The following STX5 variants were observed in gnomAD, a reference collection of about 807,000 sequenced individuals.
STX5 encodes the protein syntaxin-5.
STX5 carries 15 observed loss-of-function variants against 42.9 expected under a neutral mutation model. That is an observed-to-expected ratio of 0.35 (90% CI 0.23 to 0.54). STX5 has a LOEUF of 0.54. Among genes scored for constraint, STX5 ranks in the 20% least tolerant of loss-of-function variants. The pLI is 0.91. For missense variants in STX5, 430 were observed against 455.0 expected (o/e 0.95, Z 0.50); for synonymous variants, 184 against 173.2 (o/e 1.06, Z -0.49).
At chr11:62,819,354 C>G (rs539639446) in intron 10 of STX5, among the ~76,000 whole-genome samples, 1 of 143,384 alleles carries the variant, frequency 7.0e-6, no homozygotes, top group African/African-American at 2.6e-5. Context: ...CAGATCTCCA[C>G]TACAAAAAAA....
intron 10 of STX5, among the ~76,000 whole-genome samples, chr11:62,818,245 C>CAAA (rs71056566): frequency 6.8e-4 from 51 of 74,880 alleles, no homozygotes; most frequent in South Asian, 1.6e-3. Context: ...AACTCCATCT[C>CAAA]AAAAAAAAAA....
chr11:62,823,995 G>T, intron 10 of STX5, 171 bp downstream of exon 10: 1 of 992,430 alleles, frequency 1.0e-6, no homozygotes, highest in Non-Finnish European at 1.5e-6. Context: ...CACATGAACA[G>T]GTGCTCAATA....
intron 7 of STX5, 52 bp from the exon 8 acceptor site, chr11:62,825,169 G>A: frequency 2.5e-6 from 4 of 1,611,736 alleles, no homozygotes; most frequent in Non-Finnish European, 3.4e-6. Flanking sequence ...AAGCAGGCAT[G>A]TTAAAGAGAC....
At chr11:62,823,172 G>A (rs1450371975) in intron 10 of STX5, among the ~76,000 whole-genome samples, 1 of 149,022 alleles carries the variant, frequency 6.7e-6, no homozygotes, top group African/African-American at 2.4e-5. Context: ...TACCTACTTA[G>A]TCACTTTCTT....
chr11:62,829,716 G>T lies in STX5; in HGVS notation c.225+1303C>A, dbSNP rs188321698. On this transcript the variant is annotated intron_variant, in intron 2 of 10. Coordinates refer to ENST00000294179, the MANE Select transcript of STX5 (RefSeq NM_003164.5). Reference sequence around the variant, plus strand: ...GAGGTCAGATGTTGCAGTGAGATGAGATAGAACCATTGTACTCCAGCCTTG... The same window carrying T: ...GAGGTCAGATGTTGCAGTGAGATGATATAGAACCATTGTACTCCAGCCTTG... 2.0e-5 allele frequency among the ~76,000 whole-genome samples: 3 copies of T among 152,124 alleles called. No homozygotes were observed. The East Asian group carries it at 5.8e-4, about 29-fold the overall frequency.
chr11:62,824,415 G>A (rs2084771601), intron 9 of STX5, 44 bp downstream of exon 9: 4 of 1,613,328 alleles, frequency 2.5e-6, no homozygotes, highest in Non-Finnish European at 3.4e-6. Context: ...GAACCACAGA[G>A]GATAATGGAG....
intron 10 of STX5, chr11:62,807,914 T>C (rs2084571122): frequency 2.3e-6 from 1 of 429,766 alleles, no homozygotes; most frequent in Non-Finnish European, 4.2e-6. Context: ...CTCAGGCTAC[T>C]GTCTGTCTTC....
chr11:62,818,717 G>A lies in STX5; in HGVS notation c.908+5449C>T, dbSNP rs12276579. On this transcript the variant is annotated intron_variant, in intron 10 of 10. Transcript: ENST00000294179. ...AAAAAAAAAAAAAGAAAAAAAATCA[G>A]CCTGGTGTGGTGGTGTATGCCTGTA... Among the ~76,000 whole-genome samples the A allele has an allele frequency of 9.4e-4, 141 of 150,426 alleles. 1 individual carries two copies. Among genetic ancestry groups the A allele is most frequent in the Middle Eastern group, 6.8e-3 (2 of 294 alleles).
rs79983496 is a variant in STX5 at position 62,820,656 on chromosome 11, C to T, written c.908+3510G>A. Among the ~76,000 whole-genome samples the T allele has an allele frequency of 8.6e-5, 13 of 151,374 alleles. No individual in the cohort carries two copies. In the East Asian group the frequency reaches 2.4e-3, roughly 28 times the overall value. Reference sequence around the variant, plus strand: ...GCCTCCCAAGCAGCTGCGCAGGTACCCACTACCACGCCCGGCTAATTTTTT... The same window carrying T: ...GCCTCCCAAGCAGCTGCGCAGGTACTCACTACCACGCCCGGCTAATTTTTT... On this transcript the variant is annotated intron_variant, in intron 10 of 10. Transcript: ENST00000294179.
intron 2 of STX5, among the ~76,000 whole-genome samples, chr11:62,830,674 A>G (rs1357124812): frequency 6.6e-6 from 1 of 152,250 alleles, no homozygotes; most frequent in Non-Finnish European, 1.5e-5. Context: ...TGGTAGAAGT[A>G]TATTGGAAAA....
chr11:62,815,299 C>A (rs901664902), intron 10 of STX5, among the ~76,000 whole-genome samples: 2 of 152,136 alleles, frequency 1.3e-5, no homozygotes, highest in Admixed American at 6.5e-5. Flanking sequence ...AGCCACCATG[C>A]CCAGCCAACC....
intron 10 of STX5, among the ~76,000 whole-genome samples, chr11:62,813,418 G>T (rs911906260): frequency 6.6e-6 from 1 of 152,126 alleles, no homozygotes; most frequent in Non-Finnish European, 1.5e-5. Flanking sequence ...CCCAAACCTG[G>T]ATGCTCATCA....
At chr11:62,812,604 A>G (rs1365098899) in intron 10 of STX5, among the ~76,000 whole-genome samples, 2 of 151,288 alleles carry the variant, frequency 1.3e-5, no homozygotes, top group Non-Finnish European at 2.9e-5. Flanking sequence ...TATTTTTTTT[A>G]GTAGAGATGG....
In STX5 at chr11:62,807,610, T is replaced by C. The variant is rs1404492405; in HGVS notation, c.927A>G (p.Leu309=). 6.2e-7 allele frequency: 1 copy of C among 1,614,082 alleles called. No homozygotes were observed. The highest frequency in any genetic ancestry group is 8.5e-7 in the Non-Finnish European group (1 of 1,180,014). The part of the protein sequence containing the change: ...ETIQRIDENV[L]GAQLDVEAAH... The stretch of plus-strand genomic sequence containing the variant: ...CGGCCTCAACGTCCAGCTGGGCTCC[T>C]AGCACGTTCTCGTCGATCCTGGGGA... Residue 309 remains leucine, a synonymous_variant, in exon 11 of 11, where the codon CTA becomes CTG. Coordinates refer to ENST00000294179, the MANE Select transcript of STX5 (RefSeq NM_003164.5).
rs1444252252 is a variant in STX5 at position 62,831,965 on chromosome 11, C to T, written c.-31G>A. Reference sequence around the variant, plus strand: ...AAAGCGAATCTTACCTCCCCTCTGCCGCCTGCCGCCGCCGCCACTTCCAAT... The same window carrying T: ...AAAGCGAATCTTACCTCCCCTCTGCTGCCTGCCGCCGCCGCCACTTCCAAT... On this transcript the variant is annotated 5_prime_UTR_variant, in exon 1 of 11. Transcript: ENST00000294179. 4 of 461,416 alleles carry T rather than the reference C, an allele frequency of 8.7e-6. No individual in the cohort carries two copies. The highest frequency in any genetic ancestry group is 1.7e-5 in the Non-Finnish European group (4 of 230,822). 28.6% of individuals were successfully genotyped at this position (461,416 alleles called of 1,614,324 possible).
chr11:62,826,959 G>C (rs1012576403), intron 5 of STX5, among the ~76,000 whole-genome samples, 196 bp downstream of exon 5: 1 of 152,028 alleles, frequency 6.6e-6, no homozygotes, highest in African/African-American at 2.4e-5. Flanking sequence ...GCTCAGGCTG[G>C]AGGAAAGCTT....
rs534676643 is a variant in STX5, at chr11:62,812,420, C to G, written c.909-4792G>C. ...TCTGTTTCACTGACTCTATAATATT[C>G]TTTTTTTTGGAAACGGTGTCTCACT... On this transcript the variant is annotated intron_variant, in intron 10 of 10. Transcript: ENST00000294179. 4.0e-5 allele frequency among the ~76,000 whole-genome samples: 6 copies of G among 150,772 alleles called. No individual in the cohort carries two copies. The East Asian group carries it at 1.2e-3, about 30-fold the overall frequency.
chr11:62,817,089 C>A (rs1392396124), intron 10 of STX5, among the ~76,000 whole-genome samples: 1 of 151,776 alleles, frequency 6.6e-6, no homozygotes, highest in Non-Finnish European at 1.5e-5. Context: ...CCATGCCCAG[C>A]TAATTTTTTT....
In STX5 at chr11:62,831,934, C is replaced by T. The variant is rs1258004657; in HGVS notation, c.-20+20G>A. ...CAGAGCTGACACGGCGGCCAGATCC[C>T]CTCTTAAAGCGAATCTTACCTCCCC... On this transcript the variant is annotated intron_variant, in intron 1 of 10. Transcript: ENST00000294179. 2 of 458,654 alleles carry T rather than the reference C, an allele frequency of 4.4e-6. No homozygotes were observed. The highest frequency in any genetic ancestry group is 3.1e-5 in the South Asian group (2 of 64,596). The allele number at this position is 458,654 out of a possible 1,614,324, so 28.4% of individuals were successfully genotyped here.
Sources: allele counts gnomAD v4.1 joint callset (sites outside exome capture counted in the v4.1 genomes callset), GRCh38; gene constraint gnomAD v4.1.1; transcripts MANE v1.5; gene names NCBI Gene and HGNC (gene_info 2026-07-23, HGNC 2026-07-21).